The following PLCZ1 variants were observed in gnomAD, a reference collection of about 807,000 sequenced individuals.
PLCZ1 encodes the protein phospholipase C zeta 1, also known as 1-phosphatidylinositol 4,5-bisphosphate phosphodiesterase zeta-1.
A neutral mutation model predicts 76.8 loss-of-function variants in PLCZ1; 64 were observed. The observed-to-expected ratio is 0.83, with a 90% CI of 0.68 to 1.03. PLCZ1 has a LOEUF of 1.03. PLCZ1 is among the 50% of genes least tolerant of loss of function. The pLI is 0.00. For missense variants in PLCZ1, 751 were observed against 713.7 expected (o/e 1.05, Z -0.60); for synonymous variants, 248 against 230.8 (o/e 1.07, Z -0.68).
At chr12:18,705,636 C>T (rs1280352252) in intron 6 of PLCZ1, among the ~76,000 whole-genome samples, 5 of 151,794 alleles carry the variant, frequency 3.3e-5, no homozygotes, top group East Asian at 1.9e-4. Context: ...GAGGCTGAGG[C>T]GGGCGGATCA....
intron 3 of PLCZ1, among the ~76,000 whole-genome samples, chr12:18,735,195 A>C (rs1959191993): frequency 6.6e-6 from 1 of 152,182 alleles, no homozygotes; most frequent in Admixed American, 6.5e-5. Flanking sequence ...TTCATCAGGA[A>C]TATTGGCCTA....
the PLCZ1 span, among the ~76,000 whole-genome samples, chr12:18,648,722 T>A: frequency 6.6e-6 from 1 of 152,144 alleles, no homozygotes; most frequent in Non-Finnish European, 1.5e-5. Flanking sequence ...TCCCTTCTGA[T>A]CAAATTTCTT....
chr12:18,696,129 T>C (rs1384491212), intron 11 of PLCZ1, 21 bp downstream of exon 11: 2 of 1,207,846 alleles, frequency 1.7e-6, no homozygotes, highest in East Asian at 4.8e-5. Flanking sequence ...TGCAAACAAC[T>C]CAATATCGTA....
the PLCZ1 span, among the ~76,000 whole-genome samples, chr12:18,651,665 G>A: frequency 1.1e-3 from 164 of 152,196 alleles, 1 homozygote; most frequent in African/African-American, 3.8e-3. Context: ...TGGAACTTCC[G>A]GCCTGAACAG....
intron 9 of PLCZ1, among the ~76,000 whole-genome samples, chr12:18,700,793 G>C (rs1325853124): frequency 6.6e-6 from 1 of 152,008 alleles, no homozygotes; most frequent in African/African-American, 2.4e-5. Flanking sequence ...TTGGTTTTGT[G>C]TCACATGCAA....
intron 9 of PLCZ1, 41 bp from the exon 10 acceptor site, chr12:18,699,991 C>A (rs1419241609): frequency 4.5e-6 from 7 of 1,564,168 alleles, no homozygotes; most frequent in Non-Finnish European, 6.1e-6. Flanking sequence ...TTATGCTAAT[C>A]ATTGGGAAAA....
the PLCZ1 span, among the ~76,000 whole-genome samples, chr12:18,661,070 A>T: frequency 1.2e-4 from 18 of 152,150 alleles, no homozygotes; most frequent in African/African-American, 4.1e-4. Context: ...AGAAGAATTG[A>T]TGAACTTGAG....
chr12:18,723,321 A>G lies in PLCZ1; in HGVS notation c.357T>C (p.Pro119=), dbSNP rs1958558486. 6.2e-7 allele frequency: 1 copy of G among 1,610,194 alleles called. No homozygotes were observed. The change falls in exon 4 of 15, where the codon CCT becomes CCC. Residue 119 remains proline, a synonymous_variant. Coordinates refer to ENST00000266505, the MANE Select transcript of PLCZ1 (RefSeq NM_033123.4). ...IAFEIIQKYE[P]IEEVRKAHQM... ...GAAATGCAAACATACCTTCTTCGAT[A>G]GGCTCGTATTTCTGAATGATCTCAA...
chr12:18,694,368 T>C (rs770296987), intron 12 of PLCZ1, among the ~76,000 whole-genome samples: 6 of 152,184 alleles, frequency 3.9e-5, no homozygotes, highest in African/African-American at 1.4e-4. Context: ...AGGGAATATG[T>C]TAAAGTTGAC....
chr12:18,647,681 C>T, the PLCZ1 span, among the ~76,000 whole-genome samples: 10 of 151,898 alleles, frequency 6.6e-5, no homozygotes, highest in African/African-American at 2.4e-4. Context: ...AATAGCCTGT[C>T]ATTAAACTCT....
chr12:18,725,426 A>G (rs575988789), intron 3 of PLCZ1, among the ~76,000 whole-genome samples: 2 of 152,314 alleles, frequency 1.3e-5, no homozygotes, highest in South Asian at 4.1e-4. Flanking sequence ...GTCCCCAGCC[A>G]CACAGGTAGA....
chr12:18,719,409 G>A, intron 5 of PLCZ1, 22 bp downstream of exon 5: 1 of 1,321,312 alleles, frequency 7.6e-7, no homozygotes. Context: ...AAATGTAATA[G>A]ATTTAAAAAT....
chr12:18,701,847 G>T (rs1425659363), intron 7 of PLCZ1, 71 bp from the exon 8 acceptor site: 4 of 1,535,074 alleles, frequency 2.6e-6, no homozygotes, highest in Non-Finnish European at 3.5e-6. Context: ...TCACTGAAAA[G>T]TGTTTCACTA....
At chr12:18,682,424 A>G (rs1438881521), downstream of PLCZ1, among the ~76,000 whole-genome samples, 2 of 152,038 alleles carry the variant, frequency 1.3e-5, no homozygotes, top group Non-Finnish European at 2.9e-5. Context: ...CTATGCAACA[A>G]TGTGGTAGAA....
rs1956456617 is a variant in PLCZ1 at position 18,705,245 on chromosome 12, T to C, written c.785A>G (p.Asp262Gly). ...CSTAQQEVMA[D>G]NLQATFGESL... ...CTCTCCAAAAGTAGCCTGCAAATTG[T>C]CTGCCATTACTTCTTGTTGGGCAGT... is the stretch of plus-strand genomic sequence containing the variant. The change falls in exon 7 of 15, where the codon GAC becomes GGC. Residue 262 changes from aspartate (D) to glycine (G), a missense_variant. Transcript: ENST00000266505. The C allele has an allele frequency of 1.2e-6, 2 of 1,613,956 alleles. No homozygotes were observed. The highest frequency in any genetic ancestry group is 2.2e-5 in the East Asian group (1 of 44,850).
chr12:18,690,953 A>G (rs1300535837), intron 12 of PLCZ1, among the ~76,000 whole-genome samples: 3 of 152,142 alleles, frequency 2.0e-5, no homozygotes, highest in Admixed American at 6.5e-5. Flanking sequence ...CGTATGCATG[A>G]TAATATTAGC....
the PLCZ1 span, among the ~76,000 whole-genome samples, chr12:18,659,487 C>A: frequency 1.3e-5 from 2 of 152,056 alleles, no homozygotes; most frequent in Non-Finnish European, 2.9e-5. Context: ...CTCCAAAATA[C>A]CATGATCAAA....
Position 18,725,607 on chromosome 12 carries a change from A to C in PLCZ1, c.136-2065T>G, listed in dbSNP as rs1460588829. On this transcript the variant is annotated intron_variant, in intron 3 of 14. Transcript: ENST00000266505. ...TCTCACTGTACCTCCTTTGTCTTCAAGACAAAACCCCAACTGTATTGTGTA... is the reference window on the plus strand; with the variant it reads ...TCTCACTGTACCTCCTTTGTCTTCACGACAAAACCCCAACTGTATTGTGTA... Among the ~76,000 whole-genome samples, 3 of 152,144 alleles carry C rather than the reference A, an allele frequency of 2.0e-5. No individual in the cohort carries two copies. In the East Asian group the frequency reaches 5.8e-4, roughly 29 times the overall value.
chr12:18,692,918 C>T (rs529806925), intron 12 of PLCZ1: 5 of 1,587,648 alleles, frequency 3.1e-6, no homozygotes, highest in Non-Finnish European at 4.3e-6. Flanking sequence ...ATGCTGCCAG[C>T]AAACTGCCAC....
Sources: gnomAD v4.1 joint callset for allele counts (sites outside exome capture counted in the v4.1 genomes callset) on GRCh38, gnomAD v4.1.1 for gene constraint, MANE v1.5 for transcripts, NCBI Gene and HGNC (gene_info 2026-07-23, HGNC 2026-07-21) for gene names.